EPRS1: variants seen among roughly 807,000 people sequenced by gnomAD.
The protein encoded by EPRS1 is glutamyl-prolyl-tRNA synthetase 1, also known as bifunctional glutamate/proline--tRNA ligase.
In EPRS1, 107 loss-of-function variants were observed where a neutral mutation model predicts 188.3. That is an observed-to-expected ratio of 0.57 (90% CI 0.49 to 0.67). The LOEUF (loss-of-function observed/expected upper bound fraction) is 0.67, where lower values mean the gene tolerates loss of function less well. EPRS1 is among the 30% of genes least tolerant of loss of function. The pLI is 0.00. For synonymous variants in EPRS1, 596 were observed against 593.1 expected, an observed-to-expected ratio of 1.00 and a Z score of -0.07; for missense variants, 1,577 against 1,802.2, an observed-to-expected ratio of 0.88 and a Z score of 2.26.
chr1:220,041,997 A>G (rs1662303309), intron 1 of EPRS1, among the ~76,000 whole-genome samples: 1 of 152,056 alleles, frequency 6.6e-6, no homozygotes. Flanking sequence ...ATATATGTCG[A>G]AAGGACATAG....
At chr1:219,972,313 C>T (rs1982984) in intron 29 of EPRS1, among the ~76,000 whole-genome samples, 166 bp from the exon 30 acceptor site, 69,440 of 151,328 alleles carry the variant, frequency 0.46, 15,961 homozygotes, top group South Asian at 0.53. Context: ...ATCAGAGTTA[C>T]CTTATCATTG....
chr1:219,979,687 A>G (rs1361405332), intron 26 of EPRS1, 72 bp from the exon 27 acceptor site: 24 of 1,029,088 alleles, frequency 2.3e-5, no homozygotes, highest in Non-Finnish European at 3.5e-5. Context: ...TTACTATAAG[A>G]TCACATGCTT....
chr1:220,033,710 AAAAG>A (rs773630849), intron 3 of EPRS1, 52 bp from the exon 4 acceptor site: 339 of 1,403,304 alleles, frequency 2.4e-4, no homozygotes, highest in Middle Eastern at 3.9e-4. Flanking sequence ...TCAACTTATA[AAAAG>A]AAAGACCATA....
intron 13 of EPRS1, among the ~76,000 whole-genome samples, chr1:220,008,656 C>T (rs1416615121): frequency 6.6e-6 from 1 of 152,102 alleles, no homozygotes; most frequent in Non-Finnish European, 1.5e-5. Context: ...ACAATTAGTT[C>T]TTATTTTTAA....
In EPRS1 at chr1:219,987,231, A is replaced by C; in HGVS notation, c.2949T>G (p.Asp983Glu). 6.2e-7 allele frequency: 1 copy of C among 1,614,098 alleles called. No individual in the cohort carries two copies. Reference sequence around the variant, plus strand: ...TTTTAGAAGGGTCTTTCCTTTGGCCATCATTTTGTTTCTGAGGCTTATTCT... The same window carrying C: ...TTTTAGAAGGGTCTTTCCTTTGGCCCTCATTTTGTTTCTGAGGCTTATTCT... The part of the protein sequence containing the change: ...EKQNKPQKQN[D>E]GQRKDPSKNQ... Residue 983 changes from aspartate to glutamate, a missense_variant, in exon 20 of 32, where the codon GAT becomes GAG. By Grantham distance (45) the Asp-to-Glu change is conservative (BLOSUM62 2). Coordinates refer to ENST00000366923, the MANE Select transcript of EPRS1 (RefSeq NM_004446.3).
intron 13 of EPRS1, among the ~76,000 whole-genome samples, chr1:220,010,538 G>GC (rs1171990481): frequency 6.6e-6 from 1 of 152,132 alleles, no homozygotes; most frequent in Non-Finnish European, 1.5e-5. Flanking sequence ...TCAGCCTGGC[G>GC]CAGTGGCTCA....
intron 2 of EPRS1, among the ~76,000 whole-genome samples, chr1:220,036,231 G>C (rs1303929542): frequency 2.0e-5 from 3 of 152,138 alleles, no homozygotes; most frequent in Non-Finnish European, 4.4e-5. Context: ...CACACTGTTG[G>C]TGGGAGTGTA....
At chr1:220,043,016 C>T (rs1662328508) in intron 1 of EPRS1, among the ~76,000 whole-genome samples, 1 of 151,866 alleles carries the variant, frequency 6.6e-6, no homozygotes, top group South Asian at 2.1e-4. Flanking sequence ...TTATCCTAGG[C>T]ACATATGAGA....
intron 30 of EPRS1, among the ~76,000 whole-genome samples, chr1:219,970,596 G>A (rs1419509325): frequency 6.6e-6 from 1 of 152,062 alleles, no homozygotes; most frequent in African/African-American, 2.4e-5. Context: ...TGGCCAAAAT[G>A]GCAAAACCCC....
At chr1:220,002,155 C>A (rs1661365882) in intron 16 of EPRS1, among the ~76,000 whole-genome samples, 1 of 151,428 alleles carries the variant, frequency 6.6e-6, no homozygotes, top group African/African-American at 2.4e-5. Context: ...CATGGTGAAA[C>A]CTGTCTCTAC....
intron 3 of EPRS1, 144 bp downstream of exon 3, chr1:220,034,770 C>G (rs1662146107): frequency 1.7e-6 from 1 of 603,414 alleles, no homozygotes; most frequent in Non-Finnish European, 3.0e-6. Context: ...ACAAGATGAG[C>G]ATTCTGTACC....
chr1:220,038,301 C>T (rs976520676), intron 2 of EPRS1, among the ~76,000 whole-genome samples: 12 of 151,618 alleles, frequency 7.9e-5, no homozygotes, highest in South Asian at 4.2e-4. Context: ...AGGCTGGTCT[C>T]GAACTCCTGA....
At position 220,036,503 on chromosome 1, in the gene EPRS1, T is replaced by TA. The variant is rs1172985325; in HGVS notation, c.132-1491dup. ...TATACCACAGAATACTATGCAGCCA[T>TA]AAAAAAAAAAAAAGATCATGTCTTT... On this transcript the variant is annotated intron_variant, in intron 2 of 31. Transcript: ENST00000366923. Among the ~76,000 whole-genome samples, 381 of 137,778 alleles carry TA rather than the reference T, an allele frequency of 2.8e-3. 1 individual carries two copies. Among genetic ancestry groups the TA allele is most frequent in the South Asian group, 5.6e-3 (24 of 4,280 alleles). The allele number at this position is 137,778 out of a possible 152,430, so 90.4% of individuals were successfully genotyped here. A position where few individuals can be genotyped will look rare whatever the true frequency, so the allele number is the denominator to read the frequency against.
chr1:219,977,009 G>C (rs1042496860), intron 28 of EPRS1, among the ~76,000 whole-genome samples: 13 of 152,090 alleles, frequency 8.5e-5, no homozygotes, highest in African/African-American at 2.4e-4. Context: ...AGGAGTTGCT[G>C]GGTTCTGGCC....
chr1:220,046,454 C>G lies in EPRS1; in HGVS notation c.-66G>C. ...CGTGCCAGAACTACGGAGGACCCCGCGAAAGGAAGAAGATGCAACGTGTGC... is the reference window on the plus strand; with the variant it reads ...CGTGCCAGAACTACGGAGGACCCCGGGAAAGGAAGAAGATGCAACGTGTGC... On this transcript the variant is annotated 5_prime_UTR_variant, in exon 1 of 32. Coordinates refer to ENST00000366923, the MANE Select transcript of EPRS1 (RefSeq NM_004446.3). 1 of 1,601,592 alleles carries G rather than the reference C, an allele frequency of 6.2e-7. No individual in the cohort carries two copies. The highest frequency in any genetic ancestry group is 8.5e-7 in the Non-Finnish European group (1 of 1,174,988).
chr1:220,017,114 G>A (rs1661732479), intron 12 of EPRS1, among the ~76,000 whole-genome samples: 1 of 152,090 alleles, frequency 6.6e-6, no homozygotes, highest in Non-Finnish European at 1.5e-5. Flanking sequence ...TCAAGAGGCT[G>A]AGGCAGGAGA....
chr1:219,992,903 A>C (rs1218672420), intron 18 of EPRS1, among the ~76,000 whole-genome samples: 1 of 152,172 alleles, frequency 6.6e-6, no homozygotes, highest in African/African-American at 2.4e-5. Flanking sequence ...TGGGTGACAG[A>C]GCAAGACTCC....
Position 220,034,970 on chromosome 1 carries a change from C to T in EPRS1, c.175G>A (p.Ala59Thr), listed in dbSNP as rs754954617. 6.2e-7 allele frequency: 1 copy of T among 1,602,664 alleles called. No homozygotes were observed. The highest frequency in any genetic ancestry group is 2.2e-5 in the East Asian group (1 of 44,644). ...AACCCAGCTGTAGTTGCAACTCTAG[C>T]CAAGTAGCGAAGTATAGAATTCACA... ...TDVNSILRYLARVATTAGLYG... is the reference protein window; with the variant it reads ...TDVNSILRYLTRVATTAGLYG... The change falls in exon 3 of 32, where the codon GCT (alanine) becomes ACT (threonine). Residue 59 changes from alanine (A) to threonine (T), a missense_variant. Transcript: ENST00000366923.
chr1:219,988,907 C>T, intron 18 of EPRS1, 84 bp from the exon 19 acceptor site: 1 of 784,444 alleles, frequency 1.3e-6, no homozygotes, highest in Non-Finnish European at 2.0e-6. Flanking sequence ...CTTTAATTAT[C>T]AGCAAATCAT....
Sources: gnomAD v4.1 joint callset for allele counts (sites outside exome capture counted in the v4.1 genomes callset) on GRCh38, gnomAD v4.1.1 for gene constraint, MANE v1.5 for transcripts, NCBI Gene and HGNC (gene_info 2026-07-23, HGNC 2026-07-21) for gene names.